The following MAD1L1 variants were observed in gnomAD, a reference collection of about 807,000 sequenced individuals.
The protein encoded by MAD1L1 is mitotic spindle assembly checkpoint protein MAD1.
In MAD1L1, 95 loss-of-function variants were observed where a neutral mutation model predicts 96.9. The observed-to-expected ratio is 0.98, with a 90% CI of 0.83 to 1.16. The LOEUF (loss-of-function observed/expected upper bound fraction) is 1.16, where lower values mean the gene tolerates loss of function less well. Among genes scored for constraint, MAD1L1 ranks in the 50% most tolerant of loss-of-function variants. The pLI is 0.00. For synonymous variants in MAD1L1, 473 were observed against 396.6 expected (o/e 1.19, Z -2.29); for missense variants, 1,007 against 954.4 (o/e 1.06, Z -0.73).
intron 11 of MAD1L1, among the ~76,000 whole-genome samples, chr7:2,108,220 T>G (rs1787195261): frequency 6.6e-6 from 1 of 152,216 alleles, no homozygotes; most frequent in Admixed American, 6.5e-5. Context: ...AGGCCCCACC[T>G]CATTATCATA....
chr7:2,063,523 CA>C (rs1312668123), intron 12 of MAD1L1, among the ~76,000 whole-genome samples: 1 of 152,220 alleles, frequency 6.6e-6, no homozygotes, highest in Non-Finnish European at 1.5e-5. Flanking sequence ...TGTATGAACA[CA>C]AAATAAACAA....
chr7:2,101,095 C>T (rs1019784774), intron 11 of MAD1L1, among the ~76,000 whole-genome samples: 7 of 152,214 alleles, frequency 4.6e-5, no homozygotes, highest in Non-Finnish European at 1.5e-5. Context: ...GGCTTCCTTC[C>T]CACCCTCAGA....
chr7:1,901,477 C>A (rs1190204755), intron 17 of MAD1L1, among the ~76,000 whole-genome samples: 8 of 152,218 alleles, frequency 5.3e-5, no homozygotes. Context: ...CCGACCCCAG[C>A]CCTGGGACCA....
At chr7:1,965,480 C>T (rs538892361) in intron 15 of MAD1L1, among the ~76,000 whole-genome samples, 1 of 152,324 alleles carries the variant, frequency 6.6e-6, no homozygotes, top group African/African-American at 2.4e-5. Context: ...ACCTCAACCT[C>T]GTGCCACCAT....
At chr7:2,023,002 A>G (rs1782851461) in intron 12 of MAD1L1, among the ~76,000 whole-genome samples, 1 of 152,246 alleles carries the variant, frequency 6.6e-6, no homozygotes, top group Admixed American at 6.5e-5. Context: ...CGCCCTTAAC[A>G]TGCATCTACT....
At chr7:1,975,255 T>A (rs1208224748) in intron 15 of MAD1L1, among the ~76,000 whole-genome samples, 3 of 152,168 alleles carry the variant, frequency 2.0e-5, no homozygotes, top group Admixed American at 2.0e-4. Flanking sequence ...GGGCAGTCCA[T>A]CACCAGGCCC....
chr7:1,970,961 T>C (rs1034071412), intron 15 of MAD1L1, among the ~76,000 whole-genome samples: 8 of 152,200 alleles, frequency 5.3e-5, no homozygotes, highest in African/African-American at 1.7e-4. Flanking sequence ...ATCCCTTCCA[T>C]TGTGTGCGAG....
intron 11 of MAD1L1, among the ~76,000 whole-genome samples, chr7:2,105,955 G>A (rs917158913): frequency 5.8e-4 from 84 of 144,648 alleles, no homozygotes; most frequent in African/African-American, 2.1e-3. Context: ...CAACCAAAGG[G>A]CACCAACACC....
At chr7:2,077,331 A>C (rs1562664450) in intron 11 of MAD1L1, among the ~76,000 whole-genome samples, 1 of 152,190 alleles carries the variant, frequency 6.6e-6, no homozygotes, top group Non-Finnish European at 1.5e-5. Context: ...ACCCACCCAC[A>C]AGTATGATTT....
At chr7:1,951,099 A>G (rs1360866993) in intron 16 of MAD1L1, among the ~76,000 whole-genome samples, 3 of 152,234 alleles carry the variant, frequency 2.0e-5, no homozygotes, top group Admixed American at 6.5e-5. Flanking sequence ...TGGCCTGCCG[A>G]GGAAGTGAAC....
intron 11 of MAD1L1, among the ~76,000 whole-genome samples, chr7:2,139,405 C>T (rs1482764038): frequency 4.6e-5 from 7 of 152,150 alleles, no homozygotes; most frequent in Non-Finnish European, 7.4e-5. Context: ...TGAGATGCCC[C>T]CCACCCTCAG....
At chr7:2,025,491 C>T (rs951694) in intron 12 of MAD1L1, among the ~76,000 whole-genome samples, 11,424 of 152,148 alleles carry the variant, frequency 0.075, 1,384 homozygotes, top group African/African-American at 0.25. Flanking sequence ...AAATATGTTC[C>T]GGACCCCAAG....
chr7:1,953,460 C>A (rs1779589952), intron 16 of MAD1L1, among the ~76,000 whole-genome samples: 1 of 152,192 alleles, frequency 6.6e-6, no homozygotes, highest in Non-Finnish European at 1.5e-5. Context: ...CCAGCCCTGA[C>A]CACCAACCTG....
chr7:1,966,958 A>C (rs1780196552), intron 15 of MAD1L1, among the ~76,000 whole-genome samples: 1 of 152,266 alleles, frequency 6.6e-6, no homozygotes, highest in Non-Finnish European at 1.5e-5. Flanking sequence ...ATCCTTCAGA[A>C]GGAAAGAGGA....
At chr7:1,847,255 T>C (rs1783679514) in intron 18 of MAD1L1, 1 of 470,870 alleles carries the variant, frequency 2.1e-6, no homozygotes, top group African/African-American at 2.0e-5. Context: ...TAGGAAGCAC[T>C]GGTTTTCTTT....
At chr7:1,819,690 A>G (rs1380968553) in intron 18 of MAD1L1, among the ~76,000 whole-genome samples, 1 of 152,148 alleles carries the variant, frequency 6.6e-6, no homozygotes, top group East Asian at 1.9e-4. Flanking sequence ...GCGGGCACGG[A>G]CAAGAGGCAC....
chr7:1,823,600 C>G (rs1446053406), intron 18 of MAD1L1, among the ~76,000 whole-genome samples: 1 of 152,196 alleles, frequency 6.6e-6, no homozygotes, highest in Non-Finnish European at 1.5e-5. Context: ...CCCCACAGGG[C>G]AAGGCCCACA....
At chr7:1,867,628 A>T (rs775801589) in intron 18 of MAD1L1, among the ~76,000 whole-genome samples, 3 of 152,192 alleles carry the variant, frequency 2.0e-5, no homozygotes, top group Non-Finnish European at 4.4e-5. Flanking sequence ...CTCGGGCCCA[A>T]TTTCCATTCC....
chr7:1,892,131 G>A (rs375263930), intron 18 of MAD1L1, among the ~76,000 whole-genome samples: 7 of 152,178 alleles, frequency 4.6e-5, no homozygotes, highest in South Asian at 2.1e-4. Context: ...ATTTAAACAC[G>A]TACAGACACG....
Sources: gnomAD v4.1 joint callset for allele counts (sites outside exome capture counted in the v4.1 genomes callset) on GRCh38, gnomAD v4.1.1 for gene constraint, MANE v1.5 for transcripts, NCBI Gene and HGNC (gene_info 2026-07-23, HGNC 2026-07-21) for gene names.